NKAIN3: variants seen among roughly 807,000 people sequenced by gnomAD.
NKAIN3 encodes sodium/potassium transporting ATPase interacting 3, also known as sodium/potassium-transporting ATPase subunit beta-1-interacting protein 3.
A neutral mutation model predicts 30.2 loss-of-function variants in NKAIN3; 25 were observed. The observed-to-expected ratio is 0.83, with a 90% CI of 0.60 to 1.16. The LOEUF (loss-of-function observed/expected upper bound fraction) is 1.16, where lower values mean the gene tolerates loss of function less well. NKAIN3 is among the 50% of genes most tolerant of loss of function. The pLI, the probability that NKAIN3 is intolerant of heterozygous loss-of-function variation, is 0.00. For synonymous variants in NKAIN3, 91 were observed against 89.6 expected, an observed-to-expected ratio of 1.02 and a Z score of -0.09; for missense variants, 225 against 254.1, an observed-to-expected ratio of 0.89 and a Z score of 0.78.
At chr8:62,834,403 A>G (rs989146632) in intron 4 of NKAIN3, among the ~76,000 whole-genome samples, 1 of 152,158 alleles carries the variant, frequency 6.6e-6, no homozygotes, top group Non-Finnish European at 1.5e-5. Flanking sequence ...TTTGCTGACA[A>G]TATGATTCTA....
chr8:62,253,412 CA>C (rs952096833), intron 1 of NKAIN3, among the ~76,000 whole-genome samples: 1 of 152,156 alleles, frequency 6.6e-6, no homozygotes, highest in East Asian at 1.9e-4. Context: ...CTCATCTCTA[CA>C]AAAAATTTTA....
chr8:62,760,213 T>G (rs184809179), intron 4 of NKAIN3, among the ~76,000 whole-genome samples: 2,346 of 152,284 alleles, frequency 0.015, 26 homozygotes, highest in Middle Eastern at 0.041. Flanking sequence ...TGGAAGTCAG[T>G]GTGGCGATTC....
intron 4 of NKAIN3, among the ~76,000 whole-genome samples, chr8:62,832,092 G>T (rs188073616): frequency 1.3e-3 from 200 of 152,050 alleles, no homozygotes; most frequent in African/African-American, 4.7e-3. Flanking sequence ...TTCCAACCAA[G>T]AATTTTATAT....
At chr8:62,390,504 A>G (rs1817558589) in intron 1 of NKAIN3, among the ~76,000 whole-genome samples, 1 of 152,220 alleles carries the variant, frequency 6.6e-6, no homozygotes, top group South Asian at 2.1e-4. Context: ...TGCAATGAAT[A>G]TAAACATGCT....
chr8:62,825,492 A>G (rs1818991373), intron 4 of NKAIN3, among the ~76,000 whole-genome samples: 1 of 152,216 alleles, frequency 6.6e-6, no homozygotes. Context: ...ACTAGTTTAG[A>G]TAAACTACTG....
intron 4 of NKAIN3, among the ~76,000 whole-genome samples, chr8:62,801,701 G>A (rs988715703): frequency 3.9e-5 from 6 of 152,166 alleles, no homozygotes; most frequent in African/African-American, 1.4e-4. Flanking sequence ...GAACTCTAAA[G>A]AGCAGAGCGC....
intron 4 of NKAIN3, among the ~76,000 whole-genome samples, chr8:62,875,689 A>C (rs1182610386): frequency 6.6e-6 from 1 of 152,164 alleles, no homozygotes; most frequent in Non-Finnish European, 1.5e-5. Flanking sequence ...CAACCATCTG[A>C]TCTTCGACAA....
chr8:62,762,855 T>C (rs750667268), intron 4 of NKAIN3, among the ~76,000 whole-genome samples: 1 of 151,910 alleles, frequency 6.6e-6, no homozygotes, highest in Non-Finnish European at 1.5e-5. Flanking sequence ...TTTTTAAACT[T>C]GAATAAAAAG....
intron 2 of NKAIN3, among the ~76,000 whole-genome samples, chr8:62,583,944 T>A (rs948511653): frequency 5.9e-5 from 9 of 152,022 alleles, no homozygotes; most frequent in Admixed American, 3.3e-4. Flanking sequence ...TTTGGGAAGG[T>A]TTTTTTTAAT....
chr8:62,372,432 T>C (rs966245557), intron 1 of NKAIN3, among the ~76,000 whole-genome samples: 1 of 151,934 alleles, frequency 6.6e-6, no homozygotes, highest in Non-Finnish European at 1.5e-5. Flanking sequence ...TTCCTTTTCA[T>C]GTTTCTGAAA....
intron 4 of NKAIN3, among the ~76,000 whole-genome samples, chr8:62,912,188 G>A (rs1821941628): frequency 6.6e-6 from 1 of 152,060 alleles, no homozygotes; most frequent in South Asian, 2.1e-4. Context: ...TCTAAATATA[G>A]AAGAAGTACA....
rs953874430 is a variant in NKAIN3, at chr8:62,248,865, G to C, written c.-209G>C. ...ACGCAGGGACCCCCGCCAGACGCTCGGGTCGTGCGCACCGCACTGACCTCG... is the reference window on the plus strand; with the variant it reads ...ACGCAGGGACCCCCGCCAGACGCTCCGGTCGTGCGCACCGCACTGACCTCG... On this transcript the variant is annotated 5_prime_UTR_variant, in exon 1 of 7. Transcript: ENST00000623646. The C allele has an allele frequency of 1.9e-6, 1 of 522,094 alleles. No homozygotes were observed. Among genetic ancestry groups the C allele is most frequent in the African/African-American group, 2.1e-5 (1 of 48,680 alleles). The allele number at this position is 522,094 out of a possible 1,614,324, so 32.3% of individuals were successfully genotyped here.
At chr8:62,308,451 G>A (rs1814323752) in intron 1 of NKAIN3, among the ~76,000 whole-genome samples, 1 of 150,616 alleles carries the variant, frequency 6.6e-6, no homozygotes, top group Non-Finnish European at 1.5e-5. Flanking sequence ...GGTGATGTGA[G>A]GACTTTGAAA....
intron 3 of NKAIN3, among the ~76,000 whole-genome samples, chr8:62,713,255 ACT>A (rs1814782263): frequency 6.6e-6 from 1 of 151,830 alleles, no homozygotes; most frequent in Non-Finnish European, 1.5e-5. Context: ...TTTATTTTTG[ACT>A]CTCATAGCAT....
At chr8:62,816,242 G>C (rs1030868449) in intron 4 of NKAIN3, among the ~76,000 whole-genome samples, 1 of 152,156 alleles carries the variant, frequency 6.6e-6, no homozygotes, top group Admixed American at 6.6e-5. Flanking sequence ...CTTTGGCATT[G>C]GTTCTGGGTA....
intron 1 of NKAIN3, among the ~76,000 whole-genome samples, chr8:62,426,932 A>G (rs1018215082): frequency 2.6e-5 from 4 of 152,048 alleles, no homozygotes; most frequent in Admixed American, 1.3e-4. Flanking sequence ...AAACATGGGT[A>G]ATATCACACT....
intron 3 of NKAIN3, among the ~76,000 whole-genome samples, chr8:62,631,082 C>T (rs1018794653): frequency 7.2e-5 from 11 of 152,228 alleles, no homozygotes; most frequent in African/African-American, 2.2e-4. Flanking sequence ...TCAGTGGCCA[C>T]TAATAACCAC....
At chr8:62,509,723 T>C (rs1272132006) in intron 1 of NKAIN3, among the ~76,000 whole-genome samples, 1 of 152,180 alleles carries the variant, frequency 6.6e-6, no homozygotes, top group Non-Finnish European at 1.5e-5. Context: ...ATTTTCTTTC[T>C]TATCGTAACT....
At chr8:62,579,443 G>A in intron 1 of NKAIN3, 96 bp from the exon 2 acceptor site, 1 of 900,472 alleles carries the variant, frequency 1.1e-6, no homozygotes, top group South Asian at 2.8e-5. Context: ...TGTGATTGAA[G>A]TTGAATATGC....
Sources: gnomAD v4.1 joint callset for allele counts (sites outside exome capture counted in the v4.1 genomes callset) on GRCh38, gnomAD v4.1.1 for gene constraint, MANE v1.5 for transcripts, NCBI Gene and HGNC (gene_info 2026-07-23, HGNC 2026-07-21) for gene names.